APBB2: variants seen among roughly 807,000 people sequenced by gnomAD.
APBB2 encodes Fe65-like 1.
In APBB2, 38 loss-of-function variants were observed where a neutral mutation model predicts 82.5. The ratio of observed to expected loss-of-function variants is 0.46; its 90% CI spans 0.36 to 0.60. The LOEUF is 0.60. Among genes scored for constraint, APBB2 ranks in the 20% least tolerant of loss-of-function variants. The pLI, the probability that APBB2 is intolerant of heterozygous loss-of-function variation, is 0.00. For synonymous variants in APBB2, 341 were observed against 368.2 expected (o/e 0.93, Z 0.85); for missense variants, 772 against 972.3 (o/e 0.79, Z 2.74).
At chr4:41,152,285 A>G (rs1762449321) in intron 1 of APBB2, among the ~76,000 whole-genome samples, 1 of 151,320 alleles carries the variant, frequency 6.6e-6, no homozygotes, top group African/African-American at 2.4e-5. Flanking sequence ...TAAAGTCCTT[A>G]GGGTTCTAAA....
chr4:40,826,191 A>G lies in APBB2; in HGVS notation c.1733-221T>C. The G allele has an allele frequency of 1.9e-6, 1 of 537,526 alleles. No individual in the cohort carries two copies. Among genetic ancestry groups the G allele is most frequent in the East Asian group, 3.2e-5 (1 of 31,046 alleles). 33.3% of individuals were successfully genotyped at this position (537,526 alleles called of 1,614,324 possible). ...AACTTTCAAGATAGGAATGCATGTG[A>G]AAGCAGGAAGTGGCATCTATGTGTT... On this transcript the variant is annotated intron_variant, in intron 14 of 17. Coordinates refer to ENST00000508593, the MANE Select transcript of APBB2 (RefSeq NM_004307.2). This position sits in a 1 kb window ranked among gnomAD's most constrained non-coding sequence, Gnocchi z 4.5.
At chr4:40,918,595 G>A (rs1214220239) in intron 10 of APBB2, among the ~76,000 whole-genome samples, 1 of 152,180 alleles carries the variant, frequency 6.6e-6, no homozygotes, top group Non-Finnish European at 1.5e-5. Context: ...AACACTGGGG[G>A]GAGAAGCAGC....
intron 3 of APBB2, among the ~76,000 whole-genome samples, chr4:41,093,666 C>G (rs1037328979): frequency 6.6e-6 from 1 of 152,116 alleles, no homozygotes; most frequent in African/African-American, 2.4e-5. Context: ...CTACCCTGAC[C>G]AACATGGAGA....
At position 40,871,170 on chromosome 4, in the gene APBB2, C is replaced by T. The variant is rs552073544; in HGVS notation, c.1529+19194G>A. ...CCGTTTATTTTTTTTGAGACAGAGTCTCACTCTGTTGCCCAGGCTAGAGGG... is the reference window on the plus strand; with the variant it reads ...CCGTTTATTTTTTTTGAGACAGAGTTTCACTCTGTTGCCCAGGCTAGAGGG... On this transcript the variant is annotated intron_variant, in intron 12 of 17. Transcript: ENST00000508593. 1.2e-4 allele frequency among the ~76,000 whole-genome samples: 17 copies of T among 147,388 alleles called. No homozygotes were observed. In the South Asian group the frequency reaches 1.7e-3, roughly 15 times the overall value.
At chr4:40,825,266 T>C (rs1749498725) in intron 15 of APBB2, among the ~76,000 whole-genome samples, 1 of 152,252 alleles carries the variant, frequency 6.6e-6, no homozygotes, top group Admixed American at 6.5e-5. Context: ...AAAGTAACTA[T>C]GTTTCACCTT....
chr4:40,909,236 T>A (rs532100131), intron 10 of APBB2, among the ~76,000 whole-genome samples: 7 of 152,230 alleles, frequency 4.6e-5, no homozygotes, highest in Non-Finnish European at 1.0e-4. Context: ...CAGCACGTTA[T>A]GAACAAGTCA....
chr4:40,860,322 G>T (rs1762465751), intron 12 of APBB2, among the ~76,000 whole-genome samples: 1 of 152,196 alleles, frequency 6.6e-6, no homozygotes. Flanking sequence ...CACCTCTGGA[G>T]GGACTCGAGA....
chr4:40,851,717 C>CATATATAT (rs3086183), intron 12 of APBB2, among the ~76,000 whole-genome samples: 6 of 116,018 alleles, frequency 5.2e-5, no homozygotes, highest in East Asian at 5.9e-4. Flanking sequence ...ATTTTCTATG[C>CATATATAT]ATATATATAT....
At chr4:41,156,925 G>T (rs971911646) in intron 1 of APBB2, among the ~76,000 whole-genome samples, 1 of 152,086 alleles carries the variant, frequency 6.6e-6, no homozygotes, top group Non-Finnish European at 1.5e-5. Context: ...AATTAGCCGG[G>T]AATGGTGGTG....
At position 40,976,192 on chromosome 4, in the gene APBB2, T is replaced by C. The variant is rs1165520307; in HGVS notation, c.836-31119A>G. ...ATAAAATTCAGTGCTACAGAGTTAA[T>C]AGCATATAGAAAATTTACTAAAATT... On this transcript the variant is annotated intron_variant, in intron 6 of 17. Coordinates refer to ENST00000508593, the MANE Select transcript of APBB2 (RefSeq NM_004307.2). Among the ~76,000 whole-genome samples, 6 of 152,308 alleles carry C rather than the reference T, an allele frequency of 3.9e-5. No homozygotes were observed. In the East Asian group the frequency reaches 9.6e-4, roughly 24 times the overall value.
chr4:41,117,688 G>A (rs1241597885), intron 2 of APBB2, among the ~76,000 whole-genome samples: 1 of 152,096 alleles, frequency 6.6e-6, no homozygotes, highest in Non-Finnish European at 1.5e-5. Flanking sequence ...TAGGGCCAGG[G>A]TTCATTCCCA....
chr4:41,204,179 C>G (rs1456921707), intron 1 of APBB2, among the ~76,000 whole-genome samples: 1 of 152,302 alleles, frequency 6.6e-6, no homozygotes, highest in Non-Finnish European at 1.5e-5. Flanking sequence ...GTCGTAAGAA[C>G]GAGATGGAAA....
At chr4:40,985,704 T>C (rs1395143407) in intron 6 of APBB2, among the ~76,000 whole-genome samples, 2 of 152,198 alleles carry the variant, frequency 1.3e-5, no homozygotes, top group East Asian at 3.8e-4. Flanking sequence ...GAAATTAAAA[T>C]AGTATTTTTT....
intron 5 of APBB2, among the ~76,000 whole-genome samples, chr4:41,019,902 CAGAG>C (rs201075616): frequency 0.012 from 1,859 of 151,212 alleles, 44 homozygotes; most frequent in African/African-American, 0.043. Flanking sequence ...GAGGAAGAGA[CAGAG>C]AGACAAAGAG....
chr4:40,899,230 T>C (rs73148588), intron 10 of APBB2, among the ~76,000 whole-genome samples: 1,891 of 152,340 alleles, frequency 0.012, 31 homozygotes, highest in African/African-American at 0.043. Flanking sequence ...AAATTCGAGT[T>C]TGCTGCTGCT....
intron 5 of APBB2, among the ~76,000 whole-genome samples, chr4:41,017,812 G>A (rs1810433807): frequency 6.6e-6 from 1 of 152,166 alleles, no homozygotes; most frequent in Non-Finnish European, 1.5e-5. Context: ...GAACAAAGAA[G>A]TTGGGTCTAT....
At chr4:40,907,369 ATATATATATATTTTTTTTT>A (rs1270829708) in intron 10 of APBB2, among the ~76,000 whole-genome samples, 10 of 87,384 alleles carry the variant, frequency 1.1e-4, no homozygotes, top group Admixed American at 4.1e-4. Flanking sequence ...ATATATATAT[ATATATATATATTTTTTTTT>A]TTTTTTTTTT....
chr4:41,039,196 G>A (rs1720403718), intron 4 of APBB2, among the ~76,000 whole-genome samples: 1 of 152,174 alleles, frequency 6.6e-6, no homozygotes, highest in Non-Finnish European at 1.5e-5. Context: ...AAGCTTTGCA[G>A]AATAAGACAA....
chr4:40,864,111 G>C (rs972407631), intron 12 of APBB2, among the ~76,000 whole-genome samples: 1 of 151,888 alleles, frequency 6.6e-6, no homozygotes, highest in Non-Finnish European at 1.5e-5. Flanking sequence ...ACAAATATTA[G>C]CTGGGTGTGG....
Sources: gnomAD v4.1 joint callset for allele counts (sites outside exome capture counted in the v4.1 genomes callset) on GRCh38, gnomAD v4.1.1 for gene constraint, Gnocchi (gnomAD v3.1) non-coding constraint, MANE v1.5 for transcripts, NCBI Gene and HGNC (gene_info 2026-07-23, HGNC 2026-07-21) for gene names.